The following KCNA3 variants were observed in gnomAD, a reference collection of about 807,000 sequenced individuals.
KCNA3 encodes the protein RP11-284N8.3.
KCNA3 carries 18 observed loss-of-function variants against 34.3 expected under a neutral mutation model. The observed-to-expected ratio is 0.52, with a 90% confidence interval of 0.36 to 0.78. The LOEUF (loss-of-function observed/expected upper bound fraction) is 0.78. Among genes scored for constraint, KCNA3 ranks in the 30% least tolerant of loss-of-function variants. The pLI, the probability that KCNA3 is intolerant of heterozygous loss-of-function variation, is 0.00. For missense variants in KCNA3, 587 were observed against 802.5 expected (o/e 0.73, Z 3.24); for synonymous variants, 324 against 351.7 (o/e 0.92, Z 0.88).
the KCNA3 span, among the ~76,000 whole-genome samples, chr1:110,663,895 C>A: frequency 6.6e-6 from 1 of 152,064 alleles, no homozygotes. Flanking sequence ...ACAATCACTT[C>A]AAAAAATAGC....
chr1:110,672,965 C>T lies in KCNA3; in HGVS notation c.*117G>A. ...GAGGGAGAATGAAGTGTGCTTTCCA[C>T]TTCTTCAGGTCCTTTCCTTGATGAA... On this transcript the variant is annotated 3_prime_UTR_variant, in exon 1 of 1. Coordinates refer to ENST00000369769, the MANE Select transcript of KCNA3 (RefSeq NM_002232.5). 1 of 1,058,912 alleles carries T rather than the reference C, an allele frequency of 9.4e-7. No homozygotes were observed. Among genetic ancestry groups the T allele is most frequent in the South Asian group, 1.6e-5 (1 of 63,914 alleles). 65.6% of individuals were successfully genotyped at this position (1,058,912 alleles called of 1,614,324 possible). A position where few individuals can be genotyped will look rare whatever the true frequency, so the allele number is the denominator to read the frequency against.
chr1:110,674,798 G>C lies in KCNA3; in HGVS notation c.12C>G (p.Arg4=). The change falls in exon 1 of 1, where the codon CGC becomes CGG. Residue 4 remains arginine, a synonymous_variant. Coordinates refer to ENST00000369769, the MANE Select transcript of KCNA3 (RefSeq NM_002232.5). The surrounding 1 kb of genome is among the most constrained non-coding windows in gnomAD (Gnocchi z 6.4). MDE[R]LSLLRSPPPP... ...GCGGCGGCGAGCGCAGAAGGCTGAG[G>C]CGCTCGTCCATGCGGCGGGGAAGAG... 2 of 1,319,558 alleles carry C rather than the reference G, an allele frequency of 1.5e-6. No individual in the cohort carries two copies. The highest frequency in any genetic ancestry group is 1.9e-6 in the Non-Finnish European group (2 of 1,040,742). 81.7% of individuals were successfully genotyped at this position (1,319,558 alleles called of 1,614,324 possible). A position where few individuals can be genotyped will look rare whatever the true frequency, so the allele number is the denominator to read the frequency against.
chr1:110,673,954 C>A lies in KCNA3; in HGVS notation c.856G>T (p.Ala286Ser), dbSNP rs1334422448. 4 of 1,613,916 alleles carry A rather than the reference C, an allele frequency of 2.5e-6. No individual in the cohort carries two copies. In the East Asian group the frequency reaches 6.7e-5, roughly 27 times the overall value. ...GGATCGGAGAAGCTGGAGGCTCCTG[C>A]GCGGGACCCCGACGTGCTGTTGCCG... Reference protein sequence around the residue: ...AAGNSTSGSRAGASSFSDPFF... With the variant: ...AAGNSTSGSRSGASSFSDPFF... Residue 286 changes from alanine (A) to serine (S), a missense_variant, in exon 1 of 1, where the codon GCA (alanine) becomes TCA (serine). Physicochemically the swap from Ala to Ser is moderately conservative, Grantham distance 99. Coordinates refer to ENST00000369769, the MANE Select transcript of KCNA3 (RefSeq NM_002232.5). The surrounding 1 kb of genome is among the most constrained non-coding windows in gnomAD (Gnocchi z 8.8).
At chr1:110,660,803 A>G in the KCNA3 span, among the ~76,000 whole-genome samples, 1 of 152,216 alleles carries the variant, frequency 6.6e-6, no homozygotes, top group Non-Finnish European at 1.5e-5. Flanking sequence ...ATTTCTTAAG[A>G]AGAGGATAAA....
rs1305031127 is a variant in KCNA3 at position 110,672,656 on chromosome 1, G to C, written c.*426C>G. The C allele has an allele frequency of 6.2e-6, 1 of 161,100 alleles. No homozygotes were observed. Among genetic ancestry groups the C allele is most frequent in the Non-Finnish European group, 1.4e-5 (1 of 73,858 alleles). 10.0% of individuals were successfully genotyped at this position (161,100 alleles called of 1,614,324 possible). The stretch of plus-strand genomic sequence containing the variant: ...ACATATTCAATAAATAACGTTGAAA[G>C]GTCCATCAAACCGAAGCATCATTTA... On this transcript the variant is annotated 3_prime_UTR_variant, in exon 1 of 1. Coordinates refer to ENST00000369769, the MANE Select transcript of KCNA3 (RefSeq NM_002232.5).
downstream of KCNA3, among the ~76,000 whole-genome samples, chr1:110,668,266 C>T (rs918435109): frequency 6.6e-6 from 1 of 152,056 alleles, no homozygotes; most frequent in Non-Finnish European, 1.5e-5. Flanking sequence ...TTATGGGGCA[C>T]GTGTGCTTCT....
At chr1:110,658,442 T>C in the KCNA3 span, among the ~76,000 whole-genome samples, 1 of 152,178 alleles carries the variant, frequency 6.6e-6, no homozygotes, top group East Asian at 1.9e-4. Flanking sequence ...TTCTATATAA[T>C]AAATTTTCAC....
At chr1:110,657,045 CT>C in the KCNA3 span, 151 of 121,790 alleles carry the variant, frequency 1.2e-3, 1 homozygote, top group South Asian at 3.2e-3. Flanking sequence ...CTTAAGTTTT[CT>C]TTTTTTTTTT....
the KCNA3 span, among the ~76,000 whole-genome samples, chr1:110,663,198 T>C: frequency 3.9e-5 from 6 of 152,078 alleles, no homozygotes; most frequent in African/African-American, 1.2e-4. Flanking sequence ...AGTTAAATCA[T>C]AAAAATAAAC....
At chr1:110,659,102 A>G in the KCNA3 span, among the ~76,000 whole-genome samples, 62 of 152,280 alleles carry the variant, frequency 4.1e-4, no homozygotes, top group African/African-American at 1.5e-3. Context: ...CTTCACAAAT[A>G]AAGTTGCACA....
downstream of KCNA3, among the ~76,000 whole-genome samples, chr1:110,668,623 T>C (rs1039979096): frequency 1.3e-5 from 2 of 152,226 alleles, no homozygotes; most frequent in Admixed American, 6.5e-5. Context: ...TATGCGTAGG[T>C]GTCTGTGGTT....
chr1:110,670,462 T>C (rs964040794), downstream of KCNA3, among the ~76,000 whole-genome samples: 1 of 152,206 alleles, frequency 6.6e-6, no homozygotes, highest in African/African-American at 2.4e-5. Context: ...CTAATCAAGG[T>C]TTCTACATCT....
chr1:110,674,490 A>G lies in KCNA3; in HGVS notation c.320T>C (p.Val107Ala), dbSNP rs1278530364. Residue 107 changes from valine (V) to alanine (A), a missense_variant, in exon 1 of 1, where the codon GTC becomes GCC. By Grantham distance (64) the Val-to-Ala change is moderately conservative. Around this residue, in one of 7 missense-constraint regions of KCNA3, gnomAD observed 341 missense variants for 355.4 expected, o/e 0.96. Coordinates refer to ENST00000369769, the MANE Select transcript of KCNA3 (RefSeq NM_002232.5). The surrounding 1 kb of genome is among the most constrained non-coding windows in gnomAD (Gnocchi z 6.4). Reference protein sequence around the residue: ...GEQDCCGERVVINISGLRFET... With the variant: ...GEQDCCGERVAINISGLRFET... ...GAAGCGCAGCCCGGAGATGTTGATG[A>G]CCACGCGCTCCCCGCAGCAGTCCTG... 6.2e-7 allele frequency: 1 copy of G among 1,613,580 alleles called. No homozygotes were observed. The highest frequency in any genetic ancestry group is 8.5e-7 in the Non-Finnish European group (1 of 1,179,904).
At chr1:110,668,466 T>G (rs916933179), downstream of KCNA3, among the ~76,000 whole-genome samples, 1 of 152,160 alleles carries the variant, frequency 6.6e-6, no homozygotes, top group Non-Finnish European at 1.5e-5. Flanking sequence ...GCAAAACAAA[T>G]ACTTGAGTAT....
At chr1:110,671,713 T>A (rs945083997), downstream of KCNA3, among the ~76,000 whole-genome samples, 27 of 152,188 alleles carry the variant, frequency 1.8e-4, no homozygotes, top group African/African-American at 6.0e-4. Flanking sequence ...AGGTCCCTTG[T>A]AGTAAGGTTT....
At chr1:110,663,435 G>A in the KCNA3 span, among the ~76,000 whole-genome samples, 5 of 152,278 alleles carry the variant, frequency 3.3e-5, no homozygotes, top group South Asian at 1.0e-3. Context: ...CAAATTTGTT[G>A]ACACATTTGG....
chr1:110,653,958 A>G, the KCNA3 span: 1 of 152,222 alleles, frequency 6.6e-6, no homozygotes, highest in African/African-American at 2.4e-5. Flanking sequence ...TTCCAATATA[A>G]TAAGTTCTAG....
the KCNA3 span, among the ~76,000 whole-genome samples, chr1:110,662,514 T>C: frequency 6.6e-6 from 1 of 152,198 alleles, no homozygotes; most frequent in African/African-American, 2.4e-5. Flanking sequence ...TTGACATCTA[T>C]TAAATTACTT....
the KCNA3 span, among the ~76,000 whole-genome samples, chr1:110,659,636 A>G: frequency 1.3e-5 from 2 of 152,210 alleles, no homozygotes; most frequent in African/African-American, 4.8e-5. Flanking sequence ...TAACTTTTAA[A>G]AAACTATAGA....
Sources: gnomAD v4.1 joint callset for allele counts (sites outside exome capture counted in the v4.1 genomes callset) on GRCh38, gnomAD v4.1.1 for gene constraint, gnomAD v4.1.1 regional missense constraint, Gnocchi (gnomAD v3.1) non-coding constraint, MANE v1.5 for transcripts, NCBI Gene and HGNC (gene_info 2026-07-23, HGNC 2026-07-21) for gene names.